Variants in BFSP1 observed in about 807,000 individuals in gnomAD.
BFSP1 encodes beaded filament structural protein 1.
In BFSP1, 38 loss-of-function variants were observed where a neutral mutation model predicts 43.9. The ratio of observed to expected loss-of-function variants is 0.87; its 90% CI spans 0.67 to 1.14. The LOEUF is 1.14. Ranked by LOEUF, BFSP1 falls within the 50% of genes most tolerant of loss-of-function variation. The pLI, the probability that BFSP1 is intolerant of heterozygous loss-of-function variation, is 0.00. For missense variants in BFSP1, 850 were observed against 875.1 expected (o/e 0.97, Z 0.36); for synonymous variants, 352 against 354.8 (o/e 0.99, Z 0.09).
chr20:17,553,545 A>G (rs1027136160), intron 1 of BFSP1, among the ~76,000 whole-genome samples: 1 of 152,074 alleles, frequency 6.6e-6, no homozygotes, highest in African/African-American at 2.4e-5. Flanking sequence ...CAGATATTCT[A>G]TTAGGGTTAA....
intron 1 of BFSP1, among the ~76,000 whole-genome samples, chr20:17,565,030 C>A (rs368406039): frequency 2.0e-5 from 3 of 151,398 alleles, no homozygotes; most frequent in Non-Finnish European, 4.4e-5. Flanking sequence ...CTCCTGTATA[C>A]CCATGTAACT....
In BFSP1 at chr20:17,531,047, T is replaced by C; in HGVS notation, c.283A>G (p.Asn95Asp). ...TCCAGGTCCCGGACGCGCTGGCGGTTGCTCTCGACTTGGCGGGCGAGGGCG... is the reference window on the plus strand; with the variant it reads ...TCCAGGTCCCGGACGCGCTGGCGGTCGCTCTCGACTTGGCGGGCGAGGGCG... ...EDALARQVES[N>D]RQRVRDLEAE... The change falls in exon 1 of 8, where the codon AAC (asparagine) becomes GAC (aspartate). Residue 95 changes from asparagine to aspartate, a missense_variant. Asn to Asp is a conservative substitution (Grantham distance 23, BLOSUM62 1). Transcript: ENST00000377873. 7.1e-7 allele frequency: 1 copy of C among 1,417,268 alleles called. No homozygotes were observed. Among genetic ancestry groups the C allele is most frequent in the South Asian group, 1.5e-5 (1 of 68,892 alleles). The allele number at this position is 1,417,268 out of a possible 1,614,324, so 87.8% of individuals were successfully genotyped here. A position where few individuals can be genotyped will look rare whatever the true frequency, so the allele number is the denominator to read the frequency against.
intron 2 of BFSP1, among the ~76,000 whole-genome samples, chr20:17,520,210 G>GCCCCC (rs138070825): frequency 7.5e-6 from 1 of 133,354 alleles, no homozygotes; most frequent in Non-Finnish European, 1.6e-5. Context: ...GTTTTAACGT[G>GCCCCC]CCCCCCCACC....
chr20:17,549,545 C>T (rs1411102884), intron 1 of BFSP1, among the ~76,000 whole-genome samples: 1 of 152,094 alleles, frequency 6.6e-6, no homozygotes, highest in African/African-American at 2.4e-5. Flanking sequence ...GGTGCCAAAC[C>T]ATTCACAGTC....
chr20:17,510,921 G>A (rs1240907130), intron 4 of BFSP1, among the ~76,000 whole-genome samples: 1 of 152,226 alleles, frequency 6.6e-6, no homozygotes, highest in Admixed American at 6.5e-5. Context: ...AAGGGACACT[G>A]TAACATTTTT....
intron 1 of BFSP1, among the ~76,000 whole-genome samples, chr20:17,553,086 G>C (rs1270354420): frequency 1.3e-5 from 2 of 152,172 alleles, no homozygotes; most frequent in African/African-American, 4.8e-5. Context: ...AGATGAAGAG[G>C]AACCAGCAAA....
At chr20:17,497,455 T>C (rs1313883150) in intron 6 of BFSP1, among the ~76,000 whole-genome samples, 59 of 36,982 alleles carry the variant, frequency 1.6e-3, no homozygotes, top group African/African-American at 9.6e-3. Flanking sequence ...TATGTATATA[T>C]ATATACACAC....
chr20:17,530,939 T>C lies in BFSP1; in HGVS notation c.377+14A>G, dbSNP rs1225654664. 1.4e-6 allele frequency: 2 copies of C among 1,409,976 alleles called. No individual in the cohort carries two copies. The highest frequency in any genetic ancestry group is 9.2e-7 in the Non-Finnish European group (1 of 1,085,378). 87.3% of individuals were successfully genotyped at this position (1,409,976 alleles called of 1,614,324 possible). ...CACGCCCTGCCTCGGTTTCCCCCGA[T>C]GGCCGCCGCTTACTTGCTTCGGAAC... On this transcript the variant is annotated intron_variant, in intron 1 of 7. Transcript: ENST00000377873.
At chr20:17,500,769 T>C (rs1393375128) in intron 5 of BFSP1, among the ~76,000 whole-genome samples, 1 of 152,134 alleles carries the variant, frequency 6.6e-6, no homozygotes, top group East Asian at 1.9e-4. Flanking sequence ...TGATCAAGTG[T>C]TATTAAAAAA....
At chr20:17,567,577 T>A (rs1034044642) in intron 1 of BFSP1, among the ~76,000 whole-genome samples, 1 of 152,036 alleles carries the variant, frequency 6.6e-6, no homozygotes, top group African/African-American at 2.4e-5. Context: ...ATTTGAGAGG[T>A]GGCCGGGCGC....
intron 1 of BFSP1, among the ~76,000 whole-genome samples, chr20:17,557,455 C>G (rs1048175104): frequency 6.6e-6 from 1 of 152,174 alleles, no homozygotes; most frequent in Non-Finnish European, 1.5e-5. Flanking sequence ...CTTTAGCTTT[C>G]TCTGCCCCCC....
chr20:17,568,333 G>A (rs746049641), intron 1 of BFSP1, among the ~76,000 whole-genome samples: 2 of 152,080 alleles, frequency 1.3e-5, no homozygotes, highest in Non-Finnish European at 2.9e-5. Flanking sequence ...AAGCAGGCAG[G>A]CATGTATCCT....
In BFSP1 at chr20:17,494,937, T is replaced by C. The variant is rs771279443; in HGVS notation, c.1135A>G (p.Lys379Glu). The change falls in exon 8 of 8, where the codon AAA becomes GAA. Residue 379 changes from lysine (K) to glutamate (E), a missense_variant. Physicochemically the swap from Lys to Glu is moderately conservative, Grantham distance 56 (BLOSUM62 1). Coordinates refer to ENST00000377873, the MANE Select transcript of BFSP1 (RefSeq NM_001195.5). ...NVPRRKEIIT[K>E]DKTNGALEDA... is the part of the protein sequence containing the mutation. ...TCCAGAGCTCCGTTGGTTTTGTCTT[T>C]TGTTATAATCTCTTTTCTCCTTGGA... 4 of 1,614,220 alleles carry C rather than the reference T, an allele frequency of 2.5e-6. No individual in the cohort carries two copies. The highest frequency in any genetic ancestry group is 3.4e-6 in the Non-Finnish European group (4 of 1,180,038).
chr20:17,504,955 AAAGG>A (rs1255924531), intron 5 of BFSP1, among the ~76,000 whole-genome samples: 1 of 151,526 alleles, frequency 6.6e-6, no homozygotes, highest in Non-Finnish European at 1.5e-5. Flanking sequence ...AAAAAAAAAA[AAAGG>A]AAACTCATTA....
In BFSP1 at chr20:17,499,118, T is replaced by C. The variant is rs2235585; in HGVS notation, c.736-78A>G. 0.22 allele frequency: 275,285 copies of C among 1,260,872 alleles called. 30,472 individuals are homozygous for C. The highest frequency in any genetic ancestry group is 0.28 in the Admixed American group (16,065 of 57,018). The allele number at this position is 1,260,872 out of a possible 1,614,324, so 78.1% of individuals were successfully genotyped here. A position where few individuals can be genotyped will look rare whatever the true frequency, so the allele number is the denominator to read the frequency against. On this transcript the variant is annotated intron_variant, in intron 5 of 7. Transcript: ENST00000377873. ...ACAGACCTCACCAGGAAAAGGAACC[T>C]GGACTCGGTGAATGTTTTATGTTGT...
chr20:17,527,767 T>C (rs1235729744), intron 1 of BFSP1, among the ~76,000 whole-genome samples: 4 of 148,276 alleles, frequency 2.7e-5, no homozygotes, highest in Non-Finnish European at 4.5e-5. Context: ...AGAGAGAGAG[T>C]GATTTCACTA....
intron 5 of BFSP1, 32 bp from the exon 6 acceptor site, chr20:17,499,072 A>AT (rs749480101): frequency 3.9e-5 from 62 of 1,595,766 alleles, no homozygotes; most frequent in Admixed American, 2.8e-4. Context: ...AAGAAAATCC[A>AT]TCCCCCTTCT....
intron 1 of BFSP1, among the ~76,000 whole-genome samples, chr20:17,529,090 T>TGTGTGTGTGTGTGTGTGTGTGTGTGA (rs577672397): frequency 9.9e-4 from 150 of 151,608 alleles, no homozygotes; most frequent in African/African-American, 3.6e-3. Flanking sequence ...TGTGTGTGTG[T>TGTGTGTGTGTGTGTGTGTGTGTGTGA]GAGACAGAGT....
chr20:17,514,781 A>G lies in BFSP1; in HGVS notation c.474T>C (p.Leu158=). The G allele has an allele frequency of 6.2e-7, 1 of 1,614,008 alleles. No individual in the cohort carries two copies. The highest frequency in any genetic ancestry group is 8.5e-7 in the Non-Finnish European group (1 of 1,179,942). ...CTTGCAGAAATTGGGCTTCCAGCTG[A>G]AGGCGTAGGTTATGCAGCAAGGCTT... is the stretch of plus-strand genomic sequence containing the variant. ...ADEALLHNLR[L]QLEAQFLQDD... Residue 158 remains leucine, a synonymous_variant, in exon 3 of 8, where the codon CTT becomes CTC. Transcript: ENST00000377873.
Sources: gnomAD v4.1 joint callset for allele counts (sites outside exome capture counted in the v4.1 genomes callset) on GRCh38, gnomAD v4.1.1 for gene constraint, MANE v1.5 for transcripts, NCBI Gene and HGNC (gene_info 2026-07-23, HGNC 2026-07-21) for gene names.